The following PELI2 variants were observed in gnomAD, a reference collection of about 807,000 sequenced individuals.
PELI2 encodes the protein E3 ubiquitin-protein ligase pellino homolog 2.
A neutral mutation model predicts 42.3 loss-of-function variants in PELI2; 23 were observed. The observed-to-expected ratio is 0.54, with a 90% CI of 0.39 to 0.77. The LOEUF (loss-of-function observed/expected upper bound fraction) is 0.77. PELI2 is among the 30% of genes least tolerant of loss of function. PELI2 has a pLI of 0.00. For synonymous variants in PELI2, 245 were observed against 212.2 expected, an observed-to-expected ratio of 1.15 and a Z score of -1.34; for missense variants, 463 against 553.2, an observed-to-expected ratio of 0.84 and a Z score of 1.64.
chr14:56,136,815 C>T (rs914426975), intron 1 of PELI2, among the ~76,000 whole-genome samples: 1 of 152,166 alleles, frequency 6.6e-6, no homozygotes, highest in Non-Finnish European at 1.5e-5. Context: ...TCCACTTCTT[C>T]TCTTTGTAAT....
At position 56,223,475 on chromosome 14, in the gene PELI2, T is replaced by A. The variant is rs74468197; in HGVS notation, c.207+45011T>A. ...CCTTGGTCTCTGAAGACCATCCTGG[T>A]CTCTACTCGCATGTTGTCCTGTTCC... is the stretch of plus-strand genomic sequence containing the variant. On this transcript the variant is annotated intron_variant, in intron 2 of 5. Transcript: ENST00000267460. 1.1e-3 allele frequency among the ~76,000 whole-genome samples: 167 copies of A among 152,288 alleles called. No homozygotes were observed. In the East Asian group the frequency reaches 0.031, roughly 28 times the overall value.
At chr14:56,249,429 C>T (rs1888269790) in intron 2 of PELI2, among the ~76,000 whole-genome samples, 1 of 152,148 alleles carries the variant, frequency 6.6e-6, no homozygotes, top group Non-Finnish European at 1.5e-5. Context: ...ATAACGTTTT[C>T]CCTCCTATTT....
At chr14:56,169,960 C>T (rs1193690738) in intron 1 of PELI2, among the ~76,000 whole-genome samples, 1 of 152,160 alleles carries the variant, frequency 6.6e-6, no homozygotes, top group Non-Finnish European at 1.5e-5. Context: ...TTTCCTTAAA[C>T]GCGGTTGGAA....
intron 2 of PELI2, among the ~76,000 whole-genome samples, chr14:56,224,090 C>T (rs1247002163): frequency 6.6e-6 from 1 of 151,990 alleles, no homozygotes; most frequent in African/African-American, 2.4e-5. Flanking sequence ...GAAAGGAGAC[C>T]GATGAATGTG....
intron 1 of PELI2, 116 bp downstream of exon 1, chr14:56,118,853 C>G: frequency 1.7e-6 from 1 of 594,370 alleles, no homozygotes; most frequent in Non-Finnish European, 2.5e-6. Context: ...GCGCTCGGGG[C>G]GGCAGGAGAG....
intron 2 of PELI2, among the ~76,000 whole-genome samples, chr14:56,268,067 C>A (rs901314416): frequency 1.3e-5 from 2 of 152,186 alleles, no homozygotes; most frequent in Non-Finnish European, 2.9e-5. Flanking sequence ...CTTGCATTTA[C>A]TACTGACTCA....
At chr14:56,176,361 A>G (rs1400395476) in intron 1 of PELI2, among the ~76,000 whole-genome samples, 1 of 152,220 alleles carries the variant, frequency 6.6e-6, no homozygotes, top group Non-Finnish European at 1.5e-5. Flanking sequence ...AAGAGGCTGA[A>G]GAAGAGACTC....
intron 2 of PELI2, among the ~76,000 whole-genome samples, chr14:56,182,926 G>A (rs965865214): frequency 5.3e-5 from 8 of 152,136 alleles, no homozygotes; most frequent in South Asian, 2.1e-4. Flanking sequence ...AGTGAGTGGC[G>A]TTGATCTCCT....
intron 1 of PELI2, among the ~76,000 whole-genome samples, chr14:56,139,114 G>T (rs1024718820): frequency 6.6e-6 from 1 of 152,144 alleles, no homozygotes; most frequent in African/African-American, 2.4e-5. Context: ...AATGTGCCTT[G>T]CTTCTCGCAC....
intron 2 of PELI2, among the ~76,000 whole-genome samples, chr14:56,267,560 T>C (rs190639630): frequency 6.6e-6 from 1 of 152,208 alleles, no homozygotes; most frequent in African/African-American, 2.4e-5. Flanking sequence ...GTAATCTGCA[T>C]GTTTCCAGCA....
intron 1 of PELI2, among the ~76,000 whole-genome samples, chr14:56,127,814 G>C (rs1043976442): frequency 6.6e-6 from 1 of 152,024 alleles, no homozygotes; most frequent in Non-Finnish European, 1.5e-5. Context: ...CTAATGAGAG[G>C]GACTAAAAGA....
At chr14:56,239,416 A>G (rs1250040736) in intron 2 of PELI2, among the ~76,000 whole-genome samples, 2 of 152,244 alleles carry the variant, frequency 1.3e-5, no homozygotes, top group African/African-American at 4.8e-5. Flanking sequence ...TTTGAGTTTG[A>G]TAGTCCTACC....
chr14:56,192,147 A>G (rs557470373), intron 2 of PELI2, among the ~76,000 whole-genome samples: 1 of 152,124 alleles, frequency 6.6e-6, no homozygotes, highest in African/African-American at 2.4e-5. Context: ...GAGCCACCGC[A>G]CTTGGCCAAG....
chr14:56,175,249 G>A (rs1167797156), intron 1 of PELI2, among the ~76,000 whole-genome samples: 1 of 152,136 alleles, frequency 6.6e-6, no homozygotes, highest in African/African-American at 2.4e-5. Context: ...ACCTGCCTCG[G>A]CCTCCCAAAG....
At chr14:56,153,482 T>C (rs1452043672) in intron 1 of PELI2, among the ~76,000 whole-genome samples, 1 of 152,218 alleles carries the variant, frequency 6.6e-6, no homozygotes, top group African/African-American at 2.4e-5. Flanking sequence ...GACAACTCTA[T>C]TCTTTTAGGC....
intron 2 of PELI2, among the ~76,000 whole-genome samples, chr14:56,247,326 C>T (rs746789582): frequency 9.9e-5 from 15 of 152,142 alleles, no homozygotes; most frequent in Non-Finnish European, 2.2e-4. Context: ...CTTTTTGTTG[C>T]TACAAAGTAT....
At chr14:56,277,166 G>C (rs1173525843) in intron 2 of PELI2, among the ~76,000 whole-genome samples, 1 of 151,864 alleles carries the variant, frequency 6.6e-6, no homozygotes, top group African/African-American at 2.4e-5. Flanking sequence ...CCAAGGTAGT[G>C]GTCTGTGGCC....
chr14:56,199,408 C>G (rs1320820546), intron 2 of PELI2, among the ~76,000 whole-genome samples: 1 of 152,166 alleles, frequency 6.6e-6, no homozygotes, highest in Non-Finnish European at 1.5e-5. Context: ...GTTCAGTTAA[C>G]CAAGAACCAT....
chr14:56,188,211 A>G (rs946176265), intron 2 of PELI2, among the ~76,000 whole-genome samples: 3 of 152,200 alleles, frequency 2.0e-5, no homozygotes, highest in African/African-American at 2.4e-5. Flanking sequence ...GGCAGATACT[A>G]TCTTTCATTT....
Sources: gnomAD v4.1 joint callset for allele counts (sites outside exome capture counted in the v4.1 genomes callset) on GRCh38, gnomAD v4.1.1 for gene constraint, MANE v1.5 for transcripts, NCBI Gene and HGNC (gene_info 2026-07-23, HGNC 2026-07-21) for gene names.